Variants in ZNF567 observed in about 807,000 individuals in gnomAD.
ZNF567 encodes the protein zinc finger protein 567.
In ZNF567, 36 loss-of-function variants were observed where a neutral mutation model predicts 53.9. The observed-to-expected ratio is 0.67, with a 90% CI of 0.51 to 0.88. The LOEUF (loss-of-function observed/expected upper bound fraction) is 0.88, where lower values mean the gene tolerates loss of function less well. ZNF567 is among the 40% of genes least tolerant of loss of function. The pLI is 0.00. For synonymous variants in ZNF567, 224 were observed against 260.4 expected (o/e 0.86, Z 1.35); for missense variants, 619 against 764.7 (o/e 0.81, Z 2.25).
At chr19:36,712,928 T>TG in intron 5 of ZNF567, 61 bp downstream of exon 5, 1 of 1,315,704 alleles carries the variant, frequency 7.6e-7, no homozygotes, top group Middle Eastern at 1.9e-4. Context: ...AAGGGTCAAG[T>TG]GGGGGTGATA....
chr19:36,714,272 C>T, intron 5 of ZNF567: 1 of 315,670 alleles, frequency 3.2e-6, no homozygotes. Flanking sequence ...AATGATTCTC[C>T]TGCCTCAGCC....
At chr19:36,708,611 C>T (rs1178441050) in intron 3 of ZNF567, among the ~76,000 whole-genome samples, 1 of 152,168 alleles carries the variant, frequency 6.6e-6, no homozygotes, top group Non-Finnish European at 1.5e-5. Context: ...TAAAAATCCT[C>T]TTTGCTCTGC....
At chr19:36,726,982 T>TTCTTTTTCTTTCTTTCTTTCTTTCTTTC (rs375360156), downstream of ZNF567, 1 of 55,390 alleles carries the variant, frequency 1.8e-5, no homozygotes. Context: ...CTTTCTTTCT[T>TTCTTTTTCTTTCTTTCTTTCTTTCTTTC]TTTCTTTCTT....
the ZNF567 span, among the ~76,000 whole-genome samples, chr19:36,680,676 C>G: frequency 1.3e-5 from 2 of 152,202 alleles, no homozygotes; most frequent in Non-Finnish European, 2.9e-5. Flanking sequence ...CTCCAAAAAT[C>G]TAGACATCAG....
At chr19:36,689,995 G>A (rs544758734) in intron 2 of ZNF567, among the ~76,000 whole-genome samples, 3 of 152,254 alleles carry the variant, frequency 2.0e-5, no homozygotes, top group African/African-American at 7.2e-5. Flanking sequence ...ACACTCAACA[G>A]CTCTATAAGA....
At chr19:36,692,439 CAT>C (rs2038665785) in intron 2 of ZNF567, among the ~76,000 whole-genome samples, 1 of 152,174 alleles carries the variant, frequency 6.6e-6, no homozygotes, top group Admixed American at 6.5e-5. Flanking sequence ...GTGGCACAGT[CAT>C]AGTTCATTGT....
At chr19:36,693,236 C>T (rs1238314474) in intron 2 of ZNF567, among the ~76,000 whole-genome samples, 1 of 152,070 alleles carries the variant, frequency 6.6e-6, no homozygotes, top group African/African-American at 2.4e-5. Flanking sequence ...CTGCAATGAG[C>T]GGTGATAGGC....
At chr19:36,717,788 A>G in intron 5 of ZNF567, among the ~76,000 whole-genome samples, 1 of 152,226 alleles carries the variant, frequency 6.6e-6, no homozygotes, top group Non-Finnish European at 1.5e-5. Context: ...TCAATCTACC[A>G]TTTGAAATTG....
intron 1 of ZNF567, among the ~76,000 whole-genome samples, 155 bp from the exon 2 acceptor site, chr19:36,689,236 AGTGTGT>A (rs59984347): frequency 0.15 from 20,351 of 138,766 alleles, 1,575 homozygotes; most frequent in Middle Eastern, 0.2. Context: ...CCTATTTGAG[AGTGTGT>A]GTGTGTGTGT....
chr19:36,709,843 A>G (rs1158567076), intron 3 of ZNF567, among the ~76,000 whole-genome samples: 2 of 152,190 alleles, frequency 1.3e-5, no homozygotes, highest in East Asian at 3.8e-4. Flanking sequence ...TGTTGCCTTC[A>G]TTTTGAATAT....
upstream of ZNF567, among the ~76,000 whole-genome samples, chr19:36,684,367 A>C (rs1192524514): frequency 1.3e-5 from 2 of 152,144 alleles, no homozygotes; most frequent in African/African-American, 2.4e-5. Context: ...GAATCTACTA[A>C]TTTTACAATG....
At chr19:36,694,431 C>G (rs2038775286) in intron 2 of ZNF567, among the ~76,000 whole-genome samples, 2 of 152,158 alleles carry the variant, frequency 1.3e-5, no homozygotes, top group South Asian at 4.1e-4. Flanking sequence ...AAATTTGTAT[C>G]AGTAGTATTC....
chr19:36,698,373 C>T (rs557301950), intron 3 of ZNF567, among the ~76,000 whole-genome samples: 15 of 151,728 alleles, frequency 9.9e-5, no homozygotes, highest in Admixed American at 3.3e-4. Context: ...TGAATAGTGC[C>T]GCAGTAAACA....
At chr19:36,703,932 A>G (rs1411849309) in intron 3 of ZNF567, among the ~76,000 whole-genome samples, 2 of 152,092 alleles carry the variant, frequency 1.3e-5, no homozygotes, top group Non-Finnish European at 2.9e-5. Context: ...GGTGCGCTGC[A>G]CCCACTGTCC....
At chr19:36,681,610 T>C in the ZNF567 span, among the ~76,000 whole-genome samples, 3 of 152,022 alleles carry the variant, frequency 2.0e-5, no homozygotes, top group East Asian at 5.8e-4. Flanking sequence ...TGTATTTTTT[T>C]GTAGAAATGG....
At chr19:36,687,053 C>A (rs75869354), upstream of ZNF567, among the ~76,000 whole-genome samples, 6 of 152,128 alleles carry the variant, frequency 3.9e-5, no homozygotes, top group African/African-American at 1.4e-4. Context: ...CTTCGACAGA[C>A]CCCTCAGTCC....
intron 5 of ZNF567, among the ~76,000 whole-genome samples, chr19:36,715,431 G>C (rs746741763): frequency 4.0e-5 from 6 of 148,906 alleles, no homozygotes; most frequent in Non-Finnish European, 7.4e-5. Flanking sequence ...AAAGTGCTCA[G>C]ATTACAGGCA....
At chr19:36,672,556 C>T in the ZNF567 span, among the ~76,000 whole-genome samples, 5 of 152,260 alleles carry the variant, frequency 3.3e-5, no homozygotes, top group African/African-American at 1.2e-4. Flanking sequence ...ATGGGCTCAG[C>T]AACATGGACT....
chr19:36,717,325 T>C (rs951783166), intron 5 of ZNF567, among the ~76,000 whole-genome samples: 12 of 152,182 alleles, frequency 7.9e-5, no homozygotes, highest in African/African-American at 2.2e-4. Context: ...ATATGAAGGG[T>C]TTATGAGATC....
Sources: allele counts gnomAD v4.1 joint callset (sites outside exome capture counted in the v4.1 genomes callset), GRCh38; gene constraint gnomAD v4.1.1; transcripts MANE v1.5; gene names NCBI Gene and HGNC (gene_info 2026-07-23, HGNC 2026-07-21).